Variants in THSD7A observed in about 807,000 individuals in gnomAD.
THSD7A encodes the protein thrombospondin type-1 domain-containing protein 7A.
Under a neutral mutation model 231.3 loss-of-function variants are expected in THSD7A, and 96 were observed. The observed-to-expected ratio is 0.41, with a 90% confidence interval of 0.35 to 0.49. THSD7A has a LOEUF of 0.49. Ranked by LOEUF, THSD7A falls within the 20% of genes least tolerant of loss-of-function variation. The pLI is 0.05. For synonymous variants in THSD7A, 940 were observed against 743.3 expected (o/e 1.26, Z -4.30); for missense variants, 2,290 against 2,070.2 (o/e 1.11, Z -2.06).
rs573077234 is a variant in THSD7A, at chr7:11,709,705, A to T, written c.191-72744T>A. 1.8e-4 allele frequency among the ~76,000 whole-genome samples: 27 copies of T among 151,042 alleles called. No homozygotes were observed. In the South Asian group the frequency reaches 5.6e-3, roughly 31 times the overall value. On this transcript the variant is annotated intron_variant, in intron 1 of 27. Coordinates refer to ENST00000423059, the MANE Select transcript of THSD7A (RefSeq NM_015204.3). ...AGAAGAAGCCAGTGCTTGAAAATTA[A>T]TTAGAGAAAATGGTCTCTTTATCAA...
At chr7:11,402,634 T>A (rs903935681) in intron 22 of THSD7A, among the ~76,000 whole-genome samples, 3 of 152,170 alleles carry the variant, frequency 2.0e-5, no homozygotes, top group African/African-American at 7.2e-5. Flanking sequence ...ATAATCTGAT[T>A]ATATAACCAT....
intron 11 of THSD7A, among the ~76,000 whole-genome samples, chr7:11,458,018 C>A (rs1159934349): frequency 6.6e-6 from 1 of 152,012 alleles, no homozygotes; most frequent in African/African-American, 2.4e-5. Context: ...TTCATTCTTT[C>A]CTAACATTTA....
chr7:11,678,242 G>A (rs1000216302), intron 1 of THSD7A, among the ~76,000 whole-genome samples: 2 of 152,094 alleles, frequency 1.3e-5, no homozygotes, highest in African/African-American at 4.8e-5. Flanking sequence ...GGAGAAAGCA[G>A]GAAAGATGTA....
rs1562590078 is a variant in THSD7A at position 11,412,667 on chromosome 7, T to C, written c.3671A>G (p.Tyr1224Cys). Residue 1224 changes from tyrosine (Y) to cysteine (C), a missense_variant, in exon 18 of 28, where the codon TAT becomes TGT. Transcript: ENST00000423059. ...GATGATCCATGTACCTGTTACATTATAATCATAGTGGTAGCAGTTTTTGTT... is the reference window on the plus strand; with the variant it reads ...GATGATCCATGTACCTGTTACATTACAATCATAGTGGTAGCAGTTTTTGTT... ...NLNKNCYHYD[Y>C]NVTDWSTCQL... The C allele has an allele frequency of 3.7e-6, 6 of 1,613,812 alleles. No individual in the cohort carries two copies. The highest frequency in any genetic ancestry group is 2.2e-5 in the South Asian group (2 of 91,064).
chr7:11,530,739 G>C (rs1170341147), intron 6 of THSD7A, among the ~76,000 whole-genome samples: 1 of 152,150 alleles, frequency 6.6e-6, no homozygotes, highest in Non-Finnish European at 1.5e-5. Context: ...CCCAGGCATG[G>C]TGGCTCATGC....
chr7:11,827,102 C>G (rs957429676), intron 1 of THSD7A, among the ~76,000 whole-genome samples: 1 of 152,108 alleles, frequency 6.6e-6, no homozygotes, highest in Non-Finnish European at 1.5e-5. Flanking sequence ...CTCCTAGGTT[C>G]AAGCAATCCT....
chr7:11,520,805 A>G (rs1788231613), intron 6 of THSD7A, among the ~76,000 whole-genome samples: 1 of 152,222 alleles, frequency 6.6e-6, no homozygotes, highest in Admixed American at 6.5e-5. Context: ...GCTCAACCAC[A>G]GAAGCCTTCT....
intron 23 of THSD7A, among the ~76,000 whole-genome samples, chr7:11,401,115 T>C (rs1783387320): frequency 6.6e-6 from 1 of 152,134 alleles, no homozygotes; most frequent in African/African-American, 2.4e-5. Flanking sequence ...TTTGAAAAAA[T>C]ATAGTAAAAT....
chr7:11,782,599 C>A (rs1346288111), intron 1 of THSD7A, among the ~76,000 whole-genome samples: 1 of 152,142 alleles, frequency 6.6e-6, no homozygotes, highest in East Asian at 1.9e-4. Flanking sequence ...CAGTGATCAT[C>A]ACCGAAATTA....
intron 1 of THSD7A, among the ~76,000 whole-genome samples, chr7:11,738,646 C>T (rs1040496988): frequency 6.6e-6 from 1 of 151,922 alleles, no homozygotes; most frequent in Non-Finnish European, 1.5e-5. Context: ...CCCCGCAATC[C>T]CTATGATCTG....
At chr7:11,570,071 C>T (rs1388537500) in intron 4 of THSD7A, among the ~76,000 whole-genome samples, 1 of 152,018 alleles carries the variant, frequency 6.6e-6, no homozygotes, top group Non-Finnish European at 1.5e-5. Context: ...ACTCAGGAGA[C>T]TGAGTTGGGA....
intron 2 of THSD7A, among the ~76,000 whole-genome samples, chr7:11,614,308 C>G (rs1331632439): frequency 1.3e-5 from 2 of 152,210 alleles, no homozygotes; most frequent in African/African-American, 4.8e-5. Context: ...CTTCCCGTAA[C>G]TTGAAAGCTG....
At chr7:11,657,827 A>G (rs1348571970) in intron 1 of THSD7A, among the ~76,000 whole-genome samples, 1 of 151,822 alleles carries the variant, frequency 6.6e-6, no homozygotes, top group African/African-American at 2.4e-5. Flanking sequence ...TCCTTAATAA[A>G]TTCTTGGTGA....
intron 1 of THSD7A, among the ~76,000 whole-genome samples, chr7:11,813,504 G>A (rs1351336169): frequency 1.3e-5 from 2 of 151,948 alleles, no homozygotes; most frequent in East Asian, 3.9e-4. Flanking sequence ...ACGAGGTCAG[G>A]AGATCCAGAC....
intron 19 of THSD7A, among the ~76,000 whole-genome samples, chr7:11,408,162 TCTA>T (rs1377659045): frequency 6.6e-6 from 1 of 152,164 alleles, no homozygotes; most frequent in Non-Finnish European, 1.5e-5. Context: ...TTCAAATTCT[TCTA>T]CTGTATATTC....
Position 11,636,399 on chromosome 7 carries a change from G to A in THSD7A, c.753C>T (p.Leu251=). The A allele has an allele frequency of 6.2e-7, 1 of 1,613,744 alleles. No individual in the cohort carries two copies. Among genetic ancestry groups the A allele is most frequent in the Non-Finnish European group, 8.5e-7 (1 of 1,179,892 alleles). ...CQSSPCEAEE[L]RYSLHVGPWS... ...AGGGCCCCACATGCAGGCTGTACCT[G>A]AGCTCCTCGGCCTCGCATGGACTGG... The change falls in exon 2 of 28, where the codon CTC becomes CTT. Residue 251 remains leucine (L), a synonymous_variant. Coordinates refer to ENST00000423059, the MANE Select transcript of THSD7A (RefSeq NM_015204.3). This position sits in a 1 kb window ranked among gnomAD's most constrained non-coding sequence, Gnocchi z 10.0.
intron 1 of THSD7A, among the ~76,000 whole-genome samples, chr7:11,681,188 C>T (rs1030761138): frequency 2.6e-5 from 4 of 151,904 alleles, no homozygotes; most frequent in Admixed American, 1.3e-4. Flanking sequence ...ACATCACACA[C>T]TGGGGTCAGT....
At chr7:11,654,108 A>G (rs543657499) in intron 1 of THSD7A, among the ~76,000 whole-genome samples, 1 of 152,032 alleles carries the variant, frequency 6.6e-6, no homozygotes, top group East Asian at 1.9e-4. Context: ...ATAATTTATA[A>G]TCTGAATTCT....
intron 6 of THSD7A, among the ~76,000 whole-genome samples, chr7:11,488,966 A>C (rs1786777870): frequency 2.0e-5 from 3 of 151,872 alleles, no homozygotes; most frequent in Admixed American, 1.3e-4. Context: ...ACATTATTTG[A>C]CTTTCTCAAA....
Sources: gnomAD v4.1 joint callset for allele counts (sites outside exome capture counted in the v4.1 genomes callset) on GRCh38, gnomAD v4.1.1 for gene constraint, Gnocchi (gnomAD v3.1) non-coding constraint, MANE v1.5 for transcripts, NCBI Gene and HGNC (gene_info 2026-07-23, HGNC 2026-07-21) for gene names.